The following TEK variants were observed in gnomAD, a reference collection of about 807,000 sequenced individuals.
The protein encoded by TEK is TEK receptor tyrosine kinase.
In TEK, 43 loss-of-function variants were observed where a neutral mutation model predicts 131.8. That is an observed-to-expected ratio of 0.33 (90% CI 0.26 to 0.42). The LOEUF (loss-of-function observed/expected upper bound fraction) is 0.42, where lower values mean the gene tolerates loss of function less well. Ranked by LOEUF, TEK falls within the 10% of genes least tolerant of loss-of-function variation. TEK has a pLI of 1.00. For synonymous variants in TEK, 580 were observed against 491.6 expected (o/e 1.18, Z -2.38); for missense variants, 1,162 against 1,384.4 (o/e 0.84, Z 2.55).
At chr9:27,188,259 T>A (rs75999840) in intron 9 of TEK, among the ~76,000 whole-genome samples, 11,725 of 152,260 alleles carry the variant, frequency 0.077, 561 homozygotes, top group African/African-American at 0.14. Flanking sequence ...ATATTTTCTA[T>A]CTTAATCTGA....
Position 27,169,486 on chromosome 9 carries a change from T to A in TEK, c.485T>A (p.Ile162Asn), listed in dbSNP as rs757369820. Residue 162 changes from isoleucine to asparagine, a missense_variant, in exon 4 of 23, where the codon ATC becomes AAC. Transcript: ENST00000380036. ...DAVIYKNGSF[I>N]HSVPRHEVPD... ...TCTTCCCTCTTACTAGGTTCCTTCA[T>A]CCATTCAGTGCCCCGGCATGAAGTA... is the stretch of plus-strand genomic sequence containing the variant. 2 of 1,613,906 alleles carry A rather than the reference T, an allele frequency of 1.2e-6. No individual in the cohort carries two copies. The highest frequency in any genetic ancestry group is 1.3e-5 in the African/African-American group (1 of 74,920).
chr9:27,187,359 C>T (rs1564084786), intron 9 of TEK, among the ~76,000 whole-genome samples: 1 of 152,164 alleles, frequency 6.6e-6, no homozygotes, highest in East Asian at 1.9e-4. Context: ...CACCAGTGTA[C>T]AGATTGATAC....
At chr9:27,218,443 C>A (rs895218991) in intron 19 of TEK, among the ~76,000 whole-genome samples, 2 of 152,118 alleles carry the variant, frequency 1.3e-5, no homozygotes, top group African/African-American at 4.8e-5. Context: ...GCAACTGTTT[C>A]CAGGTCACAT....
chr9:27,113,216 A>C (rs1821414070), intron 1 of TEK, among the ~76,000 whole-genome samples: 1 of 152,212 alleles, frequency 6.6e-6, no homozygotes, highest in Admixed American at 6.5e-5. Context: ...TTATGGATGA[A>C]ATACCCATTT....
rs183837133 is a variant in TEK, at chr9:27,142,123, G to A, written c.53-15708G>A. On this transcript the variant is annotated intron_variant, in intron 1 of 22. Coordinates refer to ENST00000380036, the MANE Select transcript of TEK (RefSeq NM_000459.5). ...AAGGTAAAAATTTGCAGTAGTTGAA[G>A]TGAGAGAATGAGGATATGAAAAGGA... Among the ~76,000 whole-genome samples, 167 of 152,300 alleles carry A rather than the reference G, an allele frequency of 1.1e-3. 1 individual carries two copies. The highest frequency in any genetic ancestry group is 3.8e-3 in the African/African-American group (156 of 41,566).
intron 21 of TEK, among the ~76,000 whole-genome samples, chr9:27,221,326 G>A (rs1305032644): frequency 6.6e-6 from 1 of 152,184 alleles, no homozygotes; most frequent in African/African-American, 2.4e-5. Flanking sequence ...CTAGTGGTAA[G>A]GGTGGCTGTT....
chr9:27,175,192 GTGTTCTCAC>G (rs2131154335), intron 6 of TEK, among the ~76,000 whole-genome samples: 1 of 136,472 alleles, frequency 7.3e-6, no homozygotes, highest in East Asian at 2.3e-4. Context: ...CTGTGTTCAT[GTGTTCTCAC>G]TGTTCAATTC....
At chr9:27,166,705 G>A (rs1823743431) in intron 2 of TEK, among the ~76,000 whole-genome samples, 1 of 151,966 alleles carries the variant, frequency 6.6e-6, no homozygotes, top group Admixed American at 6.6e-5. Context: ...ACAATCTTAT[G>A]TGCCATTATG....
intron 1 of TEK, among the ~76,000 whole-genome samples, chr9:27,119,655 C>G (rs1045607865): frequency 3.3e-5 from 5 of 152,156 alleles, no homozygotes; most frequent in African/African-American, 1.2e-4. Context: ...GCTCAACGAG[C>G]TGGCAACATT....
intron 10 of TEK, 60 bp from the exon 11 acceptor site, chr9:27,192,429 C>T: frequency 6.2e-7 from 1 of 1,606,266 alleles, no homozygotes; most frequent in Non-Finnish European, 8.5e-7. Context: ...AACAACAACC[C>T]CGGCTTAAGG....
At chr9:27,133,877 C>A (rs990107594) in intron 1 of TEK, among the ~76,000 whole-genome samples, 6 of 152,160 alleles carry the variant, frequency 3.9e-5, no homozygotes, top group Non-Finnish European at 7.4e-5. Flanking sequence ...CATTGGGGAA[C>A]CCCTAACATA....
intron 21 of TEK, among the ~76,000 whole-genome samples, chr9:27,225,424 G>A (rs145088296): frequency 1.3e-5 from 2 of 152,232 alleles, no homozygotes; most frequent in African/African-American, 2.4e-5. Flanking sequence ...AGAGGCCTCA[G>A]GAATAACACC....
intron 1 of TEK, among the ~76,000 whole-genome samples, chr9:27,147,101 C>T (rs1216114024): frequency 3.3e-5 from 5 of 152,108 alleles, no homozygotes; most frequent in Admixed American, 6.6e-5. Flanking sequence ...TTGGGTGATA[C>T]GTAAGTGTAT....
chr9:27,157,021 TAGTG>T (rs769756889), intron 1 of TEK, among the ~76,000 whole-genome samples: 12 of 152,004 alleles, frequency 7.9e-5, no homozygotes, highest in Non-Finnish European at 1.2e-4. Flanking sequence ...GAAAGAGAAA[TAGTG>T]AGAAAATAAC....
At chr9:27,192,094 TC>T (rs1351846073) in intron 10 of TEK, 2 of 384,588 alleles carry the variant, frequency 5.2e-6, no homozygotes, top group Non-Finnish European at 1.0e-5. Flanking sequence ...CTCCTAAGCA[TC>T]TTTTTCTCTC....
intron 6 of TEK, among the ~76,000 whole-genome samples, chr9:27,179,510 T>C (rs1353809856): frequency 6.6e-6 from 1 of 152,220 alleles, no homozygotes; most frequent in African/African-American, 2.4e-5. Context: ...GATTGTATCT[T>C]GAACATTGAA....
At chr9:27,138,785 T>C (rs4081286) in intron 1 of TEK, among the ~76,000 whole-genome samples, 58,775 of 151,950 alleles carry the variant, frequency 0.39, 12,284 homozygotes, top group African/African-American at 0.49. Flanking sequence ...CGTATATGCG[T>C]GTTACTAGAG....
intron 11 of TEK, among the ~76,000 whole-genome samples, chr9:27,196,601 A>G (rs1405884066): frequency 6.6e-6 from 1 of 152,092 alleles, no homozygotes; most frequent in Admixed American, 6.5e-5. Flanking sequence ...CAAACAGTAA[A>G]AACAGTAACC....
At chr9:27,217,442 C>G (rs896685288) in intron 18 of TEK, among the ~76,000 whole-genome samples, 1 of 152,188 alleles carries the variant, frequency 6.6e-6, no homozygotes, top group Non-Finnish European at 1.5e-5. Context: ...TAAGGAATGA[C>G]CGACTACCAT....
Sources: allele counts gnomAD v4.1 joint callset (sites outside exome capture counted in the v4.1 genomes callset), GRCh38; gene constraint gnomAD v4.1.1; transcripts MANE v1.5; gene names NCBI Gene and HGNC (gene_info 2026-07-23, HGNC 2026-07-21).